The following PKD1L1 variants were observed in gnomAD, a reference collection of about 807,000 sequenced individuals.
PKD1L1 encodes the protein polycystin 1 like 1, transient receptor potential channel interacting.
PKD1L1 carries 236 observed loss-of-function variants against 323.4 expected under a neutral mutation model. That is an observed-to-expected ratio of 0.73 (90% CI 0.66 to 0.81). The LOEUF (loss-of-function observed/expected upper bound fraction) is 0.81. PKD1L1 is among the 40% of genes least tolerant of loss of function. The probability of loss-of-function intolerance (pLI) is 0.00; values close to 1 mark genes in which losing one functional copy is unlikely to be tolerated. For missense variants in PKD1L1, 3,320 were observed against 3,508.0 expected (o/e 0.95, Z 1.35); for synonymous variants, 1,344 against 1,335.0 (o/e 1.01, Z -0.15).
rs1784644077 is a variant in PKD1L1 at position 47,800,779 on chromosome 7, C to T, written c.8063G>A (p.Gly2688Glu). Residue 2688 changes from glycine (G) to glutamate (E), a missense_variant, in exon 54 of 57, where the codon GGG becomes GAG. By Grantham distance (98) the Gly-to-Glu change is moderately conservative. Coordinates refer to ENST00000289672, the MANE Select transcript of PKD1L1 (RefSeq NM_138295.5). ...TCTTCTGGGAAAATGAAACAGCAGC[C>T]CGGGGAAGGCGTCTGTGAAGGTGCC... ...PPGTFTDAFP[G>E]LLFHFPRRSQ... 2.5e-6 allele frequency: 4 copies of T among 1,614,004 alleles called. No homozygotes were observed. The African/African-American group carries it at 4.0e-5, about 16-fold the overall frequency.
At chr7:47,854,049 C>T (rs1400485946) in intron 30 of PKD1L1, among the ~76,000 whole-genome samples, 1 of 152,182 alleles carries the variant, frequency 6.6e-6, no homozygotes, top group Non-Finnish European at 1.5e-5. Context: ...CTGCATGTGA[C>T]TTAAAGAATT....
rs762765994 is a variant in PKD1L1 at position 47,881,979 on chromosome 7, C to G, written c.3372G>C (p.Glu1124Asp). 1.9e-6 allele frequency: 3 copies of G among 1,614,090 alleles called. No homozygotes were observed. The highest frequency in any genetic ancestry group is 2.5e-6 in the Non-Finnish European group (3 of 1,180,012). ...TGGGCCAGTCAATCATGAGGACAGG[C>G]TCGGCTCTGCCTGCAGACAGGGAGG... ...VDPSLSAGRAEPVLMIDWPKA... is the reference protein window; with the variant it reads ...VDPSLSAGRADPVLMIDWPKA... The change falls in exon 20 of 57, where the codon GAG (glutamate) becomes GAC (aspartate). Residue 1124 changes from glutamate (E) to aspartate (D), a missense_variant. Coordinates refer to ENST00000289672, the MANE Select transcript of PKD1L1 (RefSeq NM_138295.5).
upstream of PKD1L1, among the ~76,000 whole-genome samples, chr7:47,953,041 C>T (rs890148723): frequency 3.9e-5 from 6 of 152,174 alleles, no homozygotes; most frequent in Admixed American, 3.3e-4. Context: ...TAACTGTTCT[C>T]TCTGCAAAGT....
At chr7:47,854,315 G>A (rs1181384118) in intron 30 of PKD1L1, among the ~76,000 whole-genome samples, 1 of 152,066 alleles carries the variant, frequency 6.6e-6, no homozygotes. Flanking sequence ...CTCCGAGAAG[G>A]AAGGTGATCA....
At chr7:47,857,434 G>C (rs1785928874) in intron 28 of PKD1L1, among the ~76,000 whole-genome samples, 171 bp downstream of exon 28, 1 of 152,206 alleles carries the variant, frequency 6.6e-6, no homozygotes, top group Non-Finnish European at 1.5e-5. Context: ...CTTCTAAGAG[G>C]AGTAGAGTCA....
chr7:47,816,264 T>C (rs1020772658), intron 46 of PKD1L1, among the ~76,000 whole-genome samples: 40 of 152,210 alleles, frequency 2.6e-4, no homozygotes, highest in Non-Finnish European at 8.8e-5. Flanking sequence ...TCCAATTAAC[T>C]TCTTCATTAT....
At chr7:47,790,334 A>AT (rs35927380) in intron 56 of PKD1L1, among the ~76,000 whole-genome samples, 37 of 146,520 alleles carry the variant, frequency 2.5e-4, no homozygotes, top group African/African-American at 3.5e-4. Context: ...TAAATAAATA[A>AT]TTTTTTTTTT....
At chr7:47,875,956 T>C in intron 23 of PKD1L1, 141 bp downstream of exon 23, 1 of 791,412 alleles carries the variant, frequency 1.3e-6, no homozygotes, top group Non-Finnish European at 1.9e-6. Context: ...AAAAGGTAGA[T>C]AATAAACCTA....
intron 8 of PKD1L1, among the ~76,000 whole-genome samples, chr7:47,909,237 A>G (rs145749466): frequency 5.9e-5 from 9 of 152,274 alleles, no homozygotes; most frequent in Non-Finnish European, 1.0e-4. Context: ...CAGCTTGATA[A>G]TGTTAAGTGA....
intron 7 of PKD1L1, among the ~76,000 whole-genome samples, chr7:47,916,049 T>C (rs1349570781): frequency 6.6e-6 from 1 of 152,178 alleles, no homozygotes; most frequent in Non-Finnish European, 1.5e-5. Flanking sequence ...TCCGATGCTA[T>C]TCAAACTGTT....
intron 24 of PKD1L1, among the ~76,000 whole-genome samples, chr7:47,866,921 C>T (rs950590369): frequency 3.9e-5 from 6 of 152,294 alleles, no homozygotes; most frequent in East Asian, 1.9e-4. Context: ...GAGATACCAC[C>T]ACGCTACAGC....
chr7:47,947,706 G>A (rs1788126873), intron 1 of PKD1L1, among the ~76,000 whole-genome samples: 2 of 152,234 alleles, frequency 1.3e-5, no homozygotes, highest in African/African-American at 4.8e-5. Context: ...GGTGGCTTAT[G>A]CCTGTAATCC....
intron 40 of PKD1L1, among the ~76,000 whole-genome samples, chr7:47,834,119 C>CG (rs1785405933): frequency 1.4e-5 from 2 of 144,634 alleles, no homozygotes. Context: ...CCTGGAGAGC[C>CG]GGGTTGCCAT....
intron 21 of PKD1L1, among the ~76,000 whole-genome samples, chr7:47,880,267 T>TAGATAGATAGATAGATAGATAGATAG (rs1786514922): frequency 3.9e-5 from 3 of 77,506 alleles, no homozygotes; most frequent in African/African-American, 2.2e-4. Flanking sequence ...TATATATACA[T>TAGATAGATAGATAGATAGATAGATAG]ATATATATAT....
At chr7:47,958,421 C>A in the PKD1L1 span, among the ~76,000 whole-genome samples, 1 of 152,158 alleles carries the variant, frequency 6.6e-6, no homozygotes, top group Non-Finnish European at 1.5e-5. Flanking sequence ...TTATCTCCCA[C>A]CATATACACA....
intron 16 of PKD1L1, among the ~76,000 whole-genome samples, chr7:47,888,859 TG>T (rs1786746114): frequency 6.6e-6 from 1 of 151,964 alleles, no homozygotes; most frequent in Admixed American, 6.6e-5. Flanking sequence ...GGGGGTGGTT[TG>T]GGATTTAACA....
Position 47,876,098 on chromosome 7 carries a change from T to A in PKD1L1, c.3783A>T (p.Lys1261Asn), listed in dbSNP as rs1207879813. Residue 1261 changes from lysine to asparagine, a missense_variant and splice_region_variant, in exon 23 of 57, where the codon AAA becomes AAT. Lys to Asn is a moderately conservative substitution (Grantham distance 94). Coordinates refer to ENST00000289672, the MANE Select transcript of PKD1L1 (RefSeq NM_138295.5). ...ACTCCAACTGGCACCATAGCTTACC[T>A]TTGTAATTGTCCAAGTGCTCACCAG... Reference protein sequence around the residue: ...LPAGEHLDNYKVMVSTEITDG... With the variant: ...LPAGEHLDNYNVMVSTEITDG... The A allele has an allele frequency of 6.2e-7, 1 of 1,613,920 alleles. No homozygotes were observed. The highest frequency in any genetic ancestry group is 8.5e-7 in the Non-Finnish European group (1 of 1,179,920).
intron 52 of PKD1L1, among the ~76,000 whole-genome samples, chr7:47,807,984 C>T (rs762442510): frequency 2.6e-5 from 4 of 152,172 alleles, no homozygotes; most frequent in Non-Finnish European, 5.9e-5. Flanking sequence ...TGCCCCTTAG[C>T]GTCCCCTGGA....
At chr7:47,910,864 T>TGTGTGTGTGTGTA (rs1554411360) in intron 8 of PKD1L1, among the ~76,000 whole-genome samples, 43 of 41,658 alleles carry the variant, frequency 1.0e-3, no homozygotes, top group African/African-American at 6.2e-3. Flanking sequence ...GTGTGTGTAT[T>TGTGTGTGTGTGTA]TTTAGTAGAG....
Sources: allele counts gnomAD v4.1 joint callset (sites outside exome capture counted in the v4.1 genomes callset), GRCh38; gene constraint gnomAD v4.1.1; transcripts MANE v1.5; gene names NCBI Gene and HGNC (gene_info 2026-07-23, HGNC 2026-07-21).